GRIK3: variants seen among roughly 807,000 people sequenced by gnomAD.
The protein encoded by GRIK3 is glutamate ionotropic receptor kainate type subunit 3.
In GRIK3, 29 loss-of-function variants were observed where a neutral mutation model predicts 102.5. That is an observed-to-expected ratio of 0.28 (90% CI 0.21 to 0.39). The LOEUF is 0.39. Ranked by LOEUF, GRIK3 falls within the 10% of genes least tolerant of loss-of-function variation. GRIK3 has a pLI of 1.00. For synonymous variants in GRIK3, 511 were observed against 504.9 expected, an observed-to-expected ratio of 1.01 and a Z score of -0.16; for missense variants, 908 against 1,252.4, an observed-to-expected ratio of 0.73 and a Z score of 4.15.
At chr1:36,854,194 C>T (rs1177869051) in intron 7 of GRIK3, among the ~76,000 whole-genome samples, 1 of 152,204 alleles carries the variant, frequency 6.6e-6, no homozygotes, top group African/African-American at 2.4e-5. Flanking sequence ...GCTCCAGCCC[C>T]ATGTGTGCTG....
At chr1:36,815,855 G>T (rs770225264) in intron 13 of GRIK3, among the ~76,000 whole-genome samples, 28 of 152,148 alleles carry the variant, frequency 1.8e-4, no homozygotes, top group Middle Eastern at 3.4e-3. Flanking sequence ...TGCCTCCCAG[G>T]TTCAAGCCTT....
chr1:36,834,073 G>T (rs1025171560), intron 10 of GRIK3, among the ~76,000 whole-genome samples: 1 of 152,170 alleles, frequency 6.6e-6, no homozygotes, highest in East Asian at 1.9e-4. Context: ...TGCTCTCATT[G>T]AATATTTATA....
chr1:36,962,077 T>C (rs1413148793), intron 1 of GRIK3, among the ~76,000 whole-genome samples: 1 of 152,136 alleles, frequency 6.6e-6, no homozygotes, highest in African/African-American at 2.4e-5. Context: ...ACAGAAGGAC[T>C]GAGTGATGGG....
rs1640565304 is a variant in GRIK3 at position 36,850,200 on chromosome 1, ACCTGCAG to A, written c.1326+104_1326+110del. 5.7e-6 allele frequency: 4 copies of A among 703,190 alleles called. No homozygotes were observed. Among genetic ancestry groups the A allele is most frequent in the Non-Finnish European group, 1.0e-5 (4 of 389,864 alleles). 43.6% of individuals were successfully genotyped at this position (703,190 alleles called of 1,614,324 possible). A position where few individuals can be genotyped will look rare whatever the true frequency, so the allele number is the denominator to read the frequency against. ...CTGCTGACTCTAAAAGTCTCCACCT[ACCTGCAG>A]CCTCCATCTTCTGGGTGGGGGGGAT... On this transcript the variant is annotated intron_variant, in intron 9 of 15. Coordinates refer to ENST00000373091, the MANE Select transcript of GRIK3 (RefSeq NM_000831.4). This position sits in a 1 kb window ranked among gnomAD's most constrained non-coding sequence, Gnocchi z 4.0.
chr1:36,857,228 G>A (rs543183648), intron 7 of GRIK3, among the ~76,000 whole-genome samples: 1 of 152,282 alleles, frequency 6.6e-6, no homozygotes, highest in South Asian at 2.1e-4. Context: ...TCGAGGTGTG[G>A]CCTGGGACAC....
At chr1:37,032,503 G>A (rs1642839459) in intron 1 of GRIK3, among the ~76,000 whole-genome samples, 1 of 152,046 alleles carries the variant, frequency 6.6e-6, no homozygotes, top group Admixed American at 6.5e-5. Context: ...GGAAGGGGAG[G>A]CTTCCTGCCC....
At chr1:37,011,548 A>G (rs1642595914) in intron 1 of GRIK3, among the ~76,000 whole-genome samples, 1 of 152,218 alleles carries the variant, frequency 6.6e-6, no homozygotes, top group Admixed American at 6.5e-5. Flanking sequence ...GTCAGGATTC[A>G]AAGATAGGCA....
At chr1:36,883,928 T>C (rs1351668621) in intron 2 of GRIK3, among the ~76,000 whole-genome samples, 2 of 152,244 alleles carry the variant, frequency 1.3e-5, no homozygotes, top group African/African-American at 4.8e-5. Flanking sequence ...TCCTGAAATC[T>C]GTACTTCTAC....
intron 1 of GRIK3, among the ~76,000 whole-genome samples, chr1:36,914,066 C>T (rs1557723348): frequency 6.6e-6 from 1 of 152,234 alleles, no homozygotes; most frequent in Non-Finnish European, 1.5e-5. Flanking sequence ...CCAGGGAGGT[C>T]CCACACTGCA....
intron 1 of GRIK3, among the ~76,000 whole-genome samples, chr1:36,986,618 G>C (rs926105943): frequency 5.3e-5 from 8 of 152,222 alleles, no homozygotes; most frequent in African/African-American, 1.7e-4. Flanking sequence ...AGCCTGATCA[G>C]AGAGATATGA....
Position 36,838,934 on chromosome 1 carries a change from CT to C in GRIK3, c.1530+2801del, listed in dbSNP as rs1640415661. On this transcript the variant is annotated intron_variant, in intron 10 of 15. Transcript: ENST00000373091. ...TGCATGTCTCGTCAGGCCTGTAACC[CT>C]GATGAATACTGGGCTTCCCAAAGCA... is the stretch of plus-strand genomic sequence containing the variant. Among the ~76,000 whole-genome samples, 7 of 152,314 alleles carry C rather than the reference CT, an allele frequency of 4.6e-5. No individual in the cohort carries two copies. The South Asian group carries it at 1.5e-3, about 32-fold the overall frequency.
rs773871881 is a variant in GRIK3, at chr1:36,825,838, CAG to C, written c.1531-14_1531-13del. 1.3e-5 allele frequency: 21 copies of C among 1,584,876 alleles called. No homozygotes were observed. The East Asian group carries it at 3.6e-4, about 27-fold the overall frequency. ...GCCAGATCTGCCTTCTGCAACCAGACAGAGAGAGAAAGACAGACTATGAGCAA... is the reference window on the plus strand; with the variant it reads ...GCCAGATCTGCCTTCTGCAACCAGACAGAGAGAAAGACAGACTATGAGCAA... On this transcript the variant is annotated splice_polypyrimidine_tract_variant and intron_variant, in intron 10 of 15. Transcript: ENST00000373091.
chr1:37,019,067 G>C (rs913447107), intron 1 of GRIK3, among the ~76,000 whole-genome samples: 1 of 152,152 alleles, frequency 6.6e-6, no homozygotes, highest in Non-Finnish European at 1.5e-5. Context: ...GAATGATCTG[G>C]GTTAGTCAGA....
At chr1:36,888,199 G>T (rs181871190) in intron 2 of GRIK3, among the ~76,000 whole-genome samples, 96 of 152,284 alleles carry the variant, frequency 6.3e-4, no homozygotes, top group Middle Eastern at 3.4e-3. Flanking sequence ...TCATGTAACA[G>T]AACACTGTAC....
At chr1:36,989,043 T>C (rs1398126232) in intron 1 of GRIK3, among the ~76,000 whole-genome samples, 1 of 152,008 alleles carries the variant, frequency 6.6e-6, no homozygotes, top group African/African-American at 2.4e-5. Flanking sequence ...CTCCCCAGCC[T>C]CACACTCACG....
intron 1 of GRIK3, among the ~76,000 whole-genome samples, chr1:37,021,677 C>A (rs1170522724): frequency 6.6e-6 from 1 of 152,198 alleles, no homozygotes; most frequent in Non-Finnish European, 1.5e-5. Context: ...GCTCTTTCTG[C>A]TCATGATGTG....
intron 1 of GRIK3, among the ~76,000 whole-genome samples, chr1:36,979,047 C>T (rs149884664): frequency 6.6e-6 from 1 of 152,364 alleles, no homozygotes; most frequent in Non-Finnish European, 1.5e-5. Context: ...TGACCATGCT[C>T]AGTTGCTACC....
chr1:36,901,653 A>T (rs1381537595), intron 1 of GRIK3, among the ~76,000 whole-genome samples: 2 of 152,230 alleles, frequency 1.3e-5, no homozygotes, highest in Non-Finnish European at 2.9e-5. Flanking sequence ...TCCCACTAAA[A>T]TCAGGTACAA....
chr1:36,971,145 C>T (rs1035478641), intron 1 of GRIK3, among the ~76,000 whole-genome samples: 6 of 152,330 alleles, frequency 3.9e-5, no homozygotes, highest in South Asian at 2.1e-4. Context: ...TCCTTCACCT[C>T]CTGGTTCTGG....
Sources: gnomAD v4.1 joint callset for allele counts (sites outside exome capture counted in the v4.1 genomes callset) on GRCh38, gnomAD v4.1.1 for gene constraint, Gnocchi (gnomAD v3.1) non-coding constraint, MANE v1.5 for transcripts, NCBI Gene and HGNC (gene_info 2026-07-23, HGNC 2026-07-21) for gene names.